The following CDH7 variants were observed in gnomAD, a reference collection of about 807,000 sequenced individuals.
CDH7 encodes the protein cadherin 7.
A neutral mutation model predicts 71.8 loss-of-function variants in CDH7; 25 were observed. The ratio of observed to expected loss-of-function variants is 0.35; its 90% CI spans 0.25 to 0.49. The LOEUF (loss-of-function observed/expected upper bound fraction) is 0.49, where lower values mean the gene tolerates loss of function less well. CDH7 is among the 20% of genes least tolerant of loss of function. The pLI, the probability that CDH7 is intolerant of heterozygous loss-of-function variation, is 0.99. For synonymous variants in CDH7, 381 were observed against 363.8 expected, an observed-to-expected ratio of 1.05 and a Z score of -0.54; for missense variants, 862 against 974.6, an observed-to-expected ratio of 0.88 and a Z score of 1.54.
chr18:65,786,055 G>T (rs971822586), intron 2 of CDH7, among the ~76,000 whole-genome samples: 1 of 152,128 alleles, frequency 6.6e-6, no homozygotes, highest in East Asian at 1.9e-4. Context: ...TAAATAAATG[G>T]TAGTGATTGA....
chr18:65,843,846 T>C lies in CDH7; in HGVS notation c.1016T>C (p.Leu339Pro), dbSNP rs1271828926. ...LDFEAKTSYT[L>P]RIEAANKDAD... is the part of the protein sequence containing the mutation. ...TTTGAAGCCAAAACAAGTTACACGC[T>C]ACGGATAGAAGCTGCAAATAAAGAT... is the stretch of plus-strand genomic sequence containing the variant. Residue 339 changes from leucine (L) to proline (P), a missense_variant, in exon 7 of 12, where the codon CTA (leucine) becomes CCA (proline). Transcript: ENST00000397968. 1.3e-6 allele frequency: 2 copies of C among 1,569,870 alleles called. No individual in the cohort carries two copies. The highest frequency in any genetic ancestry group is 1.7e-6 in the Non-Finnish European group (2 of 1,156,362).
intron 6 of CDH7, among the ~76,000 whole-genome samples, chr18:65,842,497 TTA>T (rs920961879): frequency 8.6e-5 from 13 of 151,764 alleles, no homozygotes; most frequent in Admixed American, 7.9e-4. Flanking sequence ...ATACATATAT[TTA>T]TATATATAAT....
At chr18:65,849,095 G>A (rs994717082) in intron 7 of CDH7, among the ~76,000 whole-genome samples, 1 of 151,884 alleles carries the variant, frequency 6.6e-6, no homozygotes, top group Non-Finnish European at 1.5e-5. Flanking sequence ...AATAATACTA[G>A]CAATAAAACT....
intron 2 of CDH7, among the ~76,000 whole-genome samples, chr18:65,765,457 CT>C (rs1916327556): frequency 7.6e-6 from 1 of 131,648 alleles, no homozygotes; most frequent in African/African-American, 3.0e-5. Flanking sequence ...TTTTCCTTTC[CT>C]TTTTTCTTTT....
chr18:65,863,751 A>G (rs1913663350), intron 11 of CDH7: 1 of 152,208 alleles, frequency 6.6e-6, no homozygotes, highest in Non-Finnish European at 1.5e-5. Context: ...GTACATTTCC[A>G]TGATTAGTTT....
At chr18:65,769,386 A>G (rs1193390018) in intron 2 of CDH7, among the ~76,000 whole-genome samples, 2 of 152,184 alleles carry the variant, frequency 1.3e-5, no homozygotes, top group Non-Finnish European at 2.9e-5. Flanking sequence ...TGATTTTCTC[A>G]TCTGTAAAAT....
chr18:65,824,145 T>G, intron 5 of CDH7, among the ~76,000 whole-genome samples: 1 of 151,580 alleles, frequency 6.6e-6, no homozygotes, highest in Non-Finnish European at 1.5e-5. Flanking sequence ...CTTATCCAGT[T>G]TTCTTACCCA....
At chr18:65,793,178 A>G (rs962703110) in intron 2 of CDH7, among the ~76,000 whole-genome samples, 4 of 152,114 alleles carry the variant, frequency 2.6e-5, no homozygotes, top group African/African-American at 9.7e-5. Context: ...AGAGGCTCAC[A>G]CCTGTAATCT....
intron 8 of CDH7, among the ~76,000 whole-genome samples, 186 bp downstream of exon 8, chr18:65,858,138 C>G (rs1485080057): frequency 6.6e-6 from 1 of 151,996 alleles, no homozygotes; most frequent in African/African-American, 2.4e-5. Context: ...ATAATATTTA[C>G]AAAATTTATG....
intron 2 of CDH7, among the ~76,000 whole-genome samples, chr18:65,798,881 C>A (rs933787016): frequency 6.6e-6 from 1 of 152,104 alleles, no homozygotes; most frequent in African/African-American, 2.4e-5. Context: ...GTGAGGCACG[C>A]AGGGGATCTG....
intron 7 of CDH7, among the ~76,000 whole-genome samples, chr18:65,848,508 G>T (rs1244798163): frequency 6.6e-6 from 1 of 152,024 alleles, no homozygotes; most frequent in Non-Finnish European, 1.5e-5. Context: ...ATTTGAAGGA[G>T]TGGTAGTGTA....
chr18:65,793,418 C>CAAAAAAAAAAAA (rs541826329), intron 2 of CDH7, among the ~76,000 whole-genome samples: 2 of 91,192 alleles, frequency 2.2e-5, no homozygotes, highest in African/African-American at 7.8e-5. Context: ...CACCCAGTCT[C>CAAAAAAAAAAAA]AAAAAAAAAA....
chr18:65,848,820 T>C lies in CDH7; in HGVS notation c.1235+4755T>C, dbSNP rs1007378608. On this transcript the variant is annotated intron_variant, in intron 7 of 11. Coordinates refer to ENST00000397968, the MANE Select transcript of CDH7 (RefSeq NM_004361.5). ...ATATGTTTATATTTATGTTAAAGGA[T>C]ACTTGGATAATATTTACCCGTGGGC... 3.2e-5 allele frequency among the ~76,000 whole-genome samples: 4 copies of C among 125,638 alleles called. No individual in the cohort carries two copies. The East Asian group carries it at 1.2e-3, about 38-fold the overall frequency. 82.4% of individuals were successfully genotyped at this position (125,638 alleles called of 152,430 possible).
chr18:65,880,555 C>T lies in CDH7; in HGVS notation c.2019C>T (p.Asn673=), dbSNP rs996852366. ...TEAFDMAALR[N]LNVIRDTKTR... ...CGTTTGACATGGCTGCACTGAGAAA[C>T]CTCAACGTCATCCGAGACACCAAGA... The change falls in exon 12 of 12, where the codon AAC becomes AAT. Residue 673 remains asparagine (N), a synonymous_variant. Transcript: ENST00000397968. 2.5e-6 allele frequency: 4 copies of T among 1,613,682 alleles called. No individual in the cohort carries two copies. The African/African-American group carries it at 5.3e-5, about 22-fold the overall frequency.
In CDH7 at chr18:65,880,939, A is replaced by G. The variant is rs1440415890; in HGVS notation, c.*45A>G. ...AATGTACTGAAGAAAAAGTAACAGC[A>G]AAAAATAAAATAAAATGAAATAAAA... On this transcript the variant is annotated 3_prime_UTR_variant, in exon 12 of 12. Transcript: ENST00000397968. The G allele has an allele frequency of 6.6e-7, 1 of 1,517,088 alleles. No homozygotes were observed. The highest frequency in any genetic ancestry group is 1.4e-5 in the African/African-American group (1 of 71,492). 94.0% of individuals were successfully genotyped at this position (1,517,088 alleles called of 1,614,324 possible). A position where few individuals can be genotyped will look rare whatever the true frequency, so the allele number is the denominator to read the frequency against.
At chr18:65,790,640 G>A (rs1910680692) in intron 2 of CDH7, among the ~76,000 whole-genome samples, 2 of 152,138 alleles carry the variant, frequency 1.3e-5, no homozygotes, top group Admixed American at 1.3e-4. Context: ...AGGCCAAGGC[G>A]GGAGGATCAC....
intron 11 of CDH7, chr18:65,865,438 T>C (rs1913724102): frequency 6.6e-6 from 1 of 152,168 alleles, no homozygotes; most frequent in South Asian, 2.1e-4. Flanking sequence ...CTCTTCCACT[T>C]CTAAGGATCA....
chr18:65,796,316 AT>A (rs200338612), intron 2 of CDH7, among the ~76,000 whole-genome samples: 6,898 of 151,962 alleles, frequency 0.045, 217 homozygotes, highest in South Asian at 0.14. Context: ...TATAGAATAA[AT>A]TTTTTTTGGA....
At chr18:65,776,691 G>T (rs1909957772) in intron 2 of CDH7, among the ~76,000 whole-genome samples, 1 of 151,944 alleles carries the variant, frequency 6.6e-6, no homozygotes, top group African/African-American at 2.4e-5. Flanking sequence ...CGAATTCATT[G>T]AAGTTTGGCT....
Sources: gnomAD v4.1 joint callset for allele counts (sites outside exome capture counted in the v4.1 genomes callset) on GRCh38, gnomAD v4.1.1 for gene constraint, MANE v1.5 for transcripts, NCBI Gene and HGNC (gene_info 2026-07-23, HGNC 2026-07-21) for gene names.